Variants in PDCD1LG2 observed in about 807,000 individuals in gnomAD.
PDCD1LG2 encodes programmed cell death 1 ligand 2, also known as B7 dendritic cell molecule.
In PDCD1LG2, 32 loss-of-function variants were observed where a neutral mutation model predicts 28.2. That is an observed-to-expected ratio of 1.13 (90% CI 0.86 to 1.52). PDCD1LG2 has a LOEUF of 1.52. PDCD1LG2 is among the 40% of genes most tolerant of loss of function. The pLI is 0.00. For missense variants in PDCD1LG2, 385 were observed against 323.8 expected (o/e 1.19, Z -1.45); for synonymous variants, 116 against 120.2 (o/e 0.97, Z 0.23).
At chr9:5,537,128 T>A (rs1820594792) in intron 3 of PDCD1LG2, among the ~76,000 whole-genome samples, 1 of 152,236 alleles carries the variant, frequency 6.6e-6, no homozygotes, top group Non-Finnish European at 1.5e-5. Context: ...TAACTGATAA[T>A]CAAAAATGAG....
chr9:5,540,037 A>G (rs895319650), intron 3 of PDCD1LG2, among the ~76,000 whole-genome samples: 3 of 152,224 alleles, frequency 2.0e-5, no homozygotes, highest in African/African-American at 7.2e-5. Flanking sequence ...AAATTATATC[A>G]AGTACTCTCT....
At chr9:5,564,392 C>CT (rs1193660580) in intron 6 of PDCD1LG2, among the ~76,000 whole-genome samples, 1 of 152,182 alleles carries the variant, frequency 6.6e-6, no homozygotes, top group Non-Finnish European at 1.5e-5. Context: ...CTGAGTAAAT[C>CT]TAGGTGGGGA....
At chr9:5,562,900 A>G (rs1476279232) in intron 5 of PDCD1LG2, among the ~76,000 whole-genome samples, 1 of 152,216 alleles carries the variant, frequency 6.6e-6, no homozygotes, top group East Asian at 1.9e-4. Flanking sequence ...GAATACCCAA[A>G]TTAGTCCCTC....
chr9:5,537,364 T>C lies in PDCD1LG2; in HGVS notation c.361+2314T>C, dbSNP rs138729068. Among the ~76,000 whole-genome samples the C allele has an allele frequency of 2.2e-3, 328 of 152,350 alleles. 2 individuals are homozygous for C. Among genetic ancestry groups the C allele is most frequent in the African/African-American group, 6.6e-3 (274 of 41,586 alleles). ...ATGAATAATTTGGAAAAGAGAGCCA[T>C]ATCCATCTTATTAAGGGACACATTC... On this transcript the variant is annotated intron_variant, in intron 3 of 6. Transcript: ENST00000397747.
At chr9:5,540,188 C>T (rs546963627) in intron 3 of PDCD1LG2, among the ~76,000 whole-genome samples, 15 of 152,228 alleles carry the variant, frequency 9.9e-5, no homozygotes, top group South Asian at 2.1e-4. Flanking sequence ...TTGAACTGAA[C>T]GATAATAGTG....
chr9:5,555,037 A>C (rs568000024), intron 4 of PDCD1LG2, among the ~76,000 whole-genome samples: 2 of 152,200 alleles, frequency 1.3e-5, no homozygotes, highest in Non-Finnish European at 2.9e-5. Flanking sequence ...AGCAAGTTGC[A>C]TGCCTTACTT....
intron 1 of PDCD1LG2, among the ~76,000 whole-genome samples, chr9:5,515,811 TACTC>T (rs1474259332): frequency 6.8e-6 from 1 of 147,368 alleles, no homozygotes; most frequent in Non-Finnish European, 1.5e-5. Context: ...TTGTCCCAGT[TACTC>T]AGGAGGCTGA....
intron 5 of PDCD1LG2, among the ~76,000 whole-genome samples, chr9:5,561,606 C>T (rs934636500): frequency 1.3e-5 from 2 of 152,208 alleles, no homozygotes; most frequent in Non-Finnish European, 2.9e-5. Context: ...CATTGACTTG[C>T]TGAGCCAATG....
chr9:5,556,921 CACCCTCT>C (rs1816453910), intron 4 of PDCD1LG2, among the ~76,000 whole-genome samples: 1 of 152,176 alleles, frequency 6.6e-6, no homozygotes, highest in South Asian at 2.1e-4. Context: ...TCTTCTGATC[CACCCTCT>C]ACTAAACTCA....
chr9:5,526,836 C>T (rs529449767), intron 2 of PDCD1LG2, among the ~76,000 whole-genome samples: 37 of 152,216 alleles, frequency 2.4e-4, no homozygotes, highest in African/African-American at 8.9e-4. Flanking sequence ...TCCAAATCAG[C>T]AAATATAGAC....
chr9:5,521,342 G>A (rs745852172), intron 1 of PDCD1LG2, among the ~76,000 whole-genome samples: 1 of 152,044 alleles, frequency 6.6e-6, no homozygotes, highest in African/African-American at 2.4e-5. Context: ...CCACAGAGTC[G>A]TGCACTTAAA....
At chr9:5,528,010 A>C (rs542819701) in intron 2 of PDCD1LG2, among the ~76,000 whole-genome samples, 1 of 151,532 alleles carries the variant, frequency 6.6e-6, no homozygotes, top group African/African-American at 2.4e-5. Context: ...TTGTATTTTT[A>C]ATAGAGACGG....
chr9:5,529,872 C>T (rs903956908), intron 2 of PDCD1LG2, among the ~76,000 whole-genome samples: 2 of 152,308 alleles, frequency 1.3e-5, no homozygotes, highest in Admixed American at 6.5e-5. Context: ...TGTCTCCATG[C>T]AGTCCTCCTA....
intron 1 of PDCD1LG2, 111 bp from the exon 2 acceptor site, chr9:5,522,422 C>A: frequency 1.3e-6 from 1 of 772,538 alleles, no homozygotes; most frequent in Non-Finnish European, 2.2e-6. Context: ...CTACCATGGT[C>A]TGTCACCTTC....
chr9:5,562,056 T>C (rs1023511640), intron 5 of PDCD1LG2, among the ~76,000 whole-genome samples: 1 of 152,120 alleles, frequency 6.6e-6, no homozygotes, highest in Non-Finnish European at 1.5e-5. Flanking sequence ...AGGGAATTAC[T>C]AAAAACCTGG....
chr9:5,517,711 C>T (rs1185538736), intron 1 of PDCD1LG2, among the ~76,000 whole-genome samples: 2 of 152,180 alleles, frequency 1.3e-5, no homozygotes, highest in Admixed American at 6.5e-5. Context: ...ATGACAATGA[C>T]TCTGACCGAT....
intron 3 of PDCD1LG2, among the ~76,000 whole-genome samples, chr9:5,547,776 A>C (rs1171162732): frequency 1.3e-5 from 2 of 151,930 alleles, no homozygotes; most frequent in East Asian, 3.9e-4. Context: ...ATCTCTACTG[A>C]AAATAGAAAA....
intron 4 of PDCD1LG2, among the ~76,000 whole-genome samples, chr9:5,557,063 TC>T (rs1297487670): frequency 6.6e-6 from 1 of 152,190 alleles, no homozygotes; most frequent in Non-Finnish European, 1.5e-5. Context: ...TTCTATTTCT[TC>T]CAAAAGGATC....
chr9:5,563,751 G>A (rs754194161), intron 6 of PDCD1LG2, among the ~76,000 whole-genome samples: 2 of 152,170 alleles, frequency 1.3e-5, no homozygotes, highest in Non-Finnish European at 2.9e-5. Context: ...GATTGTGGGG[G>A]CTGGCAAGTT....
Sources: gnomAD v4.1 joint callset for allele counts (sites outside exome capture counted in the v4.1 genomes callset) on GRCh38, gnomAD v4.1.1 for gene constraint, MANE v1.5 for transcripts, NCBI Gene and HGNC (gene_info 2026-07-23, HGNC 2026-07-21) for gene names.